MOK: variants seen among roughly 807,000 people sequenced by gnomAD.
MOK encodes the protein MOK protein kinase, also known as MAPK/MAK/MRK overlapping kinase.
Under a neutral mutation model 54.2 loss-of-function variants are expected in MOK, and 59 were observed. The ratio of observed to expected loss-of-function variants is 1.09; its 90% confidence interval spans 0.88 to 1.35. The LOEUF (loss-of-function observed/expected upper bound fraction) is 1.35, where lower values mean the gene tolerates loss of function less well. Ranked by LOEUF, MOK falls within the 40% of genes most tolerant of loss-of-function variation. The probability of loss-of-function intolerance (pLI) is 0.00; values close to 1 mark genes in which losing one functional copy is unlikely to be tolerated. For missense variants in MOK, 517 were observed against 526.2 expected, an observed-to-expected ratio of 0.98 and a Z score of 0.17; for synonymous variants, 210 against 202.7, an observed-to-expected ratio of 1.04 and a Z score of -0.31.
rs1346801068 is a variant in MOK, at chr14:102,298,559, T to C, written c.7+6403A>G. On this transcript the variant is annotated intron_variant, in intron 1 of 11. Transcript: ENST00000361847. ...GAACTTTTGTGTCTAGCTCAGGGAT[T>C]GTAAACGCACCAATCAGCACCCTGT... is the stretch of plus-strand genomic sequence containing the variant. Among the ~76,000 whole-genome samples the C allele has an allele frequency of 2.0e-5, 3 of 152,202 alleles. No homozygotes were observed. The East Asian group carries it at 5.8e-4, about 29-fold the overall frequency.
In MOK at chr14:102,257,506, AGGGGAGG is replaced by A. The variant is rs1187019006; in HGVS notation, c.284-5518_284-5512del. On this transcript the variant is annotated intron_variant, in intron 4 of 11. Coordinates refer to ENST00000361847, the MANE Select transcript of MOK (RefSeq NM_014226.3). Reference sequence around the variant, plus strand: ...ACCCCTCTTGAGTTAATCAGAGAATAGGGGAGGCTGTTATTTGCAACTAAAAGGGAGA... The same window carrying A: ...ACCCCTCTTGAGTTAATCAGAGAATACTGTTATTTGCAACTAAAAGGGAGA... Among the ~76,000 whole-genome samples the A allele has an allele frequency of 1.1e-4, 16 of 152,270 alleles. No individual in the cohort carries two copies. The East Asian group carries it at 3.1e-3, about 29-fold the overall frequency.
rs373084206 is a variant in MOK, at chr14:102,232,511, C to A, written c.866+24G>T. 6.9e-6 allele frequency: 11 copies of A among 1,603,048 alleles called. No individual in the cohort carries two copies. The highest frequency in any genetic ancestry group is 8.5e-6 in the Non-Finnish European group (10 of 1,172,516). On this transcript the variant is annotated intron_variant, in intron 9 of 11. Transcript: ENST00000361847. This position sits in a 1 kb window ranked among gnomAD's most constrained non-coding sequence, Gnocchi z 5.1. ...CATTTGCCAGGTCCTGCATCTGCCC[C>A]ACCGAACCCACGAGAGTGCCTACCT...
rs964659750 is a variant in MOK at position 102,277,139 on chromosome 14, G to A, written c.122+6339C>T. Among the ~76,000 whole-genome samples, 11 of 149,930 alleles carry A rather than the reference G, an allele frequency of 7.3e-5. No homozygotes were observed. The Admixed American group carries it at 7.4e-4, about 10-fold the overall frequency. On this transcript the variant is annotated intron_variant, in intron 2 of 11. Transcript: ENST00000361847. Reference sequence around the variant, plus strand: ...ATTCCTGGGCTCAAGCAATCCTCACGCCTCAGCCTCCCAAAGTGCTGGGAT... The same window carrying A: ...ATTCCTGGGCTCAAGCAATCCTCACACCTCAGCCTCCCAAAGTGCTGGGAT...
In MOK at chr14:102,231,338, G is replaced by A. The variant is rs1038936013; in HGVS notation, c.981+369C>T. ...TGGGCCAGCATTGCATCTTCTTGGC[G>A]CCTCCCTCCAGGGCCGTTCTGAGGG... On this transcript the variant is annotated intron_variant, in intron 10 of 11. Coordinates refer to ENST00000361847, the MANE Select transcript of MOK (RefSeq NM_014226.3). This position sits in a 1 kb window ranked among gnomAD's most constrained non-coding sequence, Gnocchi z 4.4. 5.9e-5 allele frequency: 10 copies of A among 169,130 alleles called. No individual in the cohort carries two copies. Among genetic ancestry groups the A allele is most frequent in the African/African-American group, 2.1e-4 (9 of 42,224 alleles). The allele number at this position is 169,130 out of a possible 1,614,324, so 10.5% of individuals were successfully genotyped here. A position where few individuals can be genotyped will look rare whatever the true frequency, so the allele number is the denominator to read the frequency against.
chr14:102,216,619 C>G, the MOK span, among the ~76,000 whole-genome samples: 1 of 151,982 alleles, frequency 6.6e-6, no homozygotes, highest in Admixed American at 6.6e-5. Flanking sequence ...TAGTTTGTAC[C>G]TTCAAAAAAA....
intron 4 of MOK, among the ~76,000 whole-genome samples, chr14:102,262,956 G>T (rs2067596688): frequency 2.0e-5 from 3 of 152,246 alleles, no homozygotes; most frequent in Admixed American, 2.0e-4. Context: ...AATTGGCTCA[G>T]TGTGGGCCAG....
chr14:102,297,538 G>A (rs984716819), intron 1 of MOK, among the ~76,000 whole-genome samples: 3 of 152,190 alleles, frequency 2.0e-5, no homozygotes, highest in Non-Finnish European at 2.9e-5. Context: ...GCACCTCCTC[G>A]GCCTCGGTGC....
intron 7 of MOK, among the ~76,000 whole-genome samples, chr14:102,246,782 G>T (rs111380583): frequency 0.01 from 1,593 of 152,170 alleles, 12 homozygotes; most frequent in Non-Finnish European, 0.016. Context: ...CTATTAGTAG[G>T]AACCGTAACA....
At chr14:102,293,701 C>CAAAAAAAAAAAAAAAA (rs10598736) in intron 1 of MOK, among the ~76,000 whole-genome samples, 4 of 54,608 alleles carry the variant, frequency 7.3e-5, no homozygotes, top group African/African-American at 1.1e-4. Context: ...AACTCCATCA[C>CAAAAAAAAAAAAAAAA]AAAAAAAAAA....
In MOK at chr14:102,229,135, G is replaced by A. The variant is rs2064398242; in HGVS notation, c.*154C>T. ...AGGCAGCTGCGCGGGCCGCGGGTGC[G>A]GCAGGGCGCAGGGCAGCACCCAGAG... On this transcript the variant is annotated 3_prime_UTR_variant, in exon 12 of 12. Coordinates refer to ENST00000361847, the MANE Select transcript of MOK (RefSeq NM_014226.3). 1.5e-5 allele frequency: 11 copies of A among 755,794 alleles called. No homozygotes were observed. The highest frequency in any genetic ancestry group is 6.4e-5 in the Admixed American group (2 of 31,022). The allele number at this position is 755,794 out of a possible 1,614,324, so 46.8% of individuals were successfully genotyped here.
chr14:102,293,266 A>G (rs2070971488), intron 1 of MOK, among the ~76,000 whole-genome samples: 1 of 152,274 alleles, frequency 6.6e-6, no homozygotes, highest in Non-Finnish European at 1.5e-5. Context: ...TGAAATAGCC[A>G]CAGACTGAAA....
At chr14:102,224,837 A>G, downstream of MOK, 1 of 455,498 alleles carries the variant, frequency 2.2e-6, no homozygotes, top group Non-Finnish European at 4.4e-6. Context: ...TTGCTGTTCT[A>G]AATGAAAGAA....
the MOK span, among the ~76,000 whole-genome samples, chr14:102,216,983 T>C: frequency 1.3e-5 from 2 of 152,162 alleles, no homozygotes; most frequent in Non-Finnish European, 2.9e-5. Context: ...TCAGAATTAA[T>C]GGATTCTGAA....
At position 102,229,143 on chromosome 14, in the gene MOK, G is replaced by GCAGGGCAGCACCCAGAGCC; in HGVS notation, c.*127_*145dup. ...GCGCGGGCCGCGGGTGCGGCAGGGC[G>GCAGGGCAGCACCCAGAGCC]CAGGGCAGCACCCAGAGCCCCGGCC... On this transcript the variant is annotated 3_prime_UTR_variant, in exon 12 of 12. Coordinates refer to ENST00000361847, the MANE Select transcript of MOK (RefSeq NM_014226.3). The GCAGGGCAGCACCCAGAGCC allele has an allele frequency of 1.2e-6, 1 of 834,528 alleles. No homozygotes were observed. Among genetic ancestry groups the GCAGGGCAGCACCCAGAGCC allele is most frequent in the Non-Finnish European group, 1.8e-6 (1 of 549,432 alleles). The allele number at this position is 834,528 out of a possible 1,614,324, so 51.7% of individuals were successfully genotyped here.
At chr14:102,251,228 C>T (rs1158321050) in intron 6 of MOK, among the ~76,000 whole-genome samples, 1 of 152,202 alleles carries the variant, frequency 6.6e-6, no homozygotes, top group African/African-American at 2.4e-5. Context: ...TTCCAAAATG[C>T]CTACAGGTTT....
chr14:102,280,789 C>T (rs2069333562), intron 2 of MOK: 1 of 152,178 alleles, frequency 6.6e-6, no homozygotes, highest in Non-Finnish European at 1.5e-5. Flanking sequence ...ACCGGGAAAC[C>T]ATGTCCGTTA....
intron 1 of MOK, among the ~76,000 whole-genome samples, chr14:102,291,979 A>T (rs565486995): frequency 6.6e-6 from 1 of 151,390 alleles, no homozygotes; most frequent in Non-Finnish European, 1.5e-5. Context: ...AACTAACAAT[A>T]ATAATAATAA....
At chr14:102,287,742 T>C (rs2070285833) in intron 1 of MOK, among the ~76,000 whole-genome samples, 1 of 151,724 alleles carries the variant, frequency 6.6e-6, no homozygotes. Context: ...TGTGGAGAAA[T>C]TGGGACCCTC....
At chr14:102,226,266 T>C, downstream of MOK, 1 of 687,242 alleles carries the variant, frequency 1.5e-6, no homozygotes, top group Non-Finnish European at 2.7e-6. The surrounding 1 kb of genome is among the most constrained non-coding windows in gnomAD (Gnocchi z 4.8). Flanking sequence ...GAGGGTGAGG[T>C]GGGTGGATGA....
Sources: gnomAD v4.1 joint callset for allele counts (sites outside exome capture counted in the v4.1 genomes callset) on GRCh38, gnomAD v4.1.1 for gene constraint, Gnocchi (gnomAD v3.1) non-coding constraint, MANE v1.5 for transcripts, NCBI Gene and HGNC (gene_info 2026-07-23, HGNC 2026-07-21) for gene names.